RASAL2: variants seen among roughly 807,000 people sequenced by gnomAD.
RASAL2 encodes ras GTPase-activating protein nGAP.
RASAL2 carries 58 observed loss-of-function variants against 128.9 expected under a neutral mutation model. The ratio of observed to expected loss-of-function variants is 0.45; its 90% CI spans 0.36 to 0.56. RASAL2 has a LOEUF of 0.56. Ranked by LOEUF, RASAL2 falls within the 20% of genes least tolerant of loss-of-function variation. RASAL2 has a pLI of 0.00. For missense variants in RASAL2, 1,360 were observed against 1,601.6 expected (o/e 0.85, Z 2.57); for synonymous variants, 561 against 580.8 (o/e 0.97, Z 0.49).
At chr1:178,190,459 C>T (rs1662453554) in intron 1 of RASAL2, among the ~76,000 whole-genome samples, 1 of 152,070 alleles carries the variant, frequency 6.6e-6, no homozygotes, top group African/African-American at 2.4e-5. Context: ...TCATTAAGTT[C>T]TAATTTTTGT....
intron 1 of RASAL2, among the ~76,000 whole-genome samples, chr1:178,142,776 C>T (rs1161218223): frequency 6.6e-6 from 1 of 152,046 alleles, no homozygotes; most frequent in Non-Finnish European, 1.5e-5. Flanking sequence ...CGGGGAAGTC[C>T]GAATCTGGGA....
chr1:178,331,989 A>G (rs974453547), intron 3 of RASAL2, among the ~76,000 whole-genome samples: 7 of 152,200 alleles, frequency 4.6e-5, no homozygotes, highest in Non-Finnish European at 1.0e-4. Context: ...AGAGTGTACA[A>G]TATACTTTCA....
At chr1:178,390,593 G>A (rs2102606794) in intron 4 of RASAL2, among the ~76,000 whole-genome samples, 1 of 152,094 alleles carries the variant, frequency 6.6e-6, no homozygotes, top group East Asian at 1.9e-4. Context: ...TGGCCAGGCT[G>A]GTCTCAAACT....
At chr1:178,414,522 C>G (rs10913549) in intron 4 of RASAL2, among the ~76,000 whole-genome samples, 37,768 of 151,962 alleles carry the variant, frequency 0.25, 7,474 homozygotes, top group African/African-American at 0.55. Context: ...TTTGGTAGGG[C>G]ATGTTGGTGG....
At chr1:178,203,360 GTTACAA>G (rs1353845832) in intron 1 of RASAL2, among the ~76,000 whole-genome samples, 3 of 152,188 alleles carry the variant, frequency 2.0e-5, no homozygotes, top group Non-Finnish European at 2.9e-5. Context: ...GCCTTTTGAA[GTTACAA>G]TTACAATGCC....
intron 1 of RASAL2, among the ~76,000 whole-genome samples, chr1:178,129,214 AG>A (rs1354348984): frequency 6.6e-6 from 1 of 152,046 alleles, no homozygotes. Context: ...GTATTGTATA[AG>A]GGCTCTGATT....
intron 15 of RASAL2, 59 bp downstream of exon 15, chr1:178,464,471 G>T: frequency 1.9e-6 from 3 of 1,587,868 alleles, no homozygotes; most frequent in Non-Finnish European, 2.6e-6. Context: ...CACTAAAAAG[G>T]TTATCTAGCT....
At chr1:178,221,356 C>T (rs1227407016) in intron 1 of RASAL2, among the ~76,000 whole-genome samples, 1 of 152,056 alleles carries the variant, frequency 6.6e-6, no homozygotes, top group Non-Finnish European at 1.5e-5. Flanking sequence ...GTAGAAGCTT[C>T]AGTTATTGAT....
chr1:178,248,838 C>A lies in RASAL2; in HGVS notation c.203-34726C>A, dbSNP rs1055032594. 5.3e-5 allele frequency among the ~76,000 whole-genome samples: 8 copies of A among 152,222 alleles called. No individual in the cohort carries two copies. In the Middle Eastern group the frequency reaches 0.017, roughly 324 times the overall value. On this transcript the variant is annotated intron_variant, in intron 1 of 17. Coordinates refer to ENST00000367649, the MANE Select transcript of RASAL2 (RefSeq NM_170692.4). ...GATATGAAATTCTGGGTTGAAAATTCTTTTCTTTAAGAATGTTGACTATTG... is the reference window on the plus strand; with the variant it reads ...GATATGAAATTCTGGGTTGAAAATTATTTTCTTTAAGAATGTTGACTATTG...
chr1:178,184,238 C>G (rs1333369925), intron 1 of RASAL2, among the ~76,000 whole-genome samples: 1 of 151,984 alleles, frequency 6.6e-6, no homozygotes, highest in Admixed American at 6.6e-5. Context: ...ATATTTTCTT[C>G]CAGTTTATAT....
chr1:178,242,909 A>T (rs1313450688), intron 1 of RASAL2, among the ~76,000 whole-genome samples: 1 of 152,170 alleles, frequency 6.6e-6, no homozygotes, highest in African/African-American at 2.4e-5. Flanking sequence ...TTGTTTCCAG[A>T]TAATTTCTAA....
chr1:178,466,812 C>T (rs1042143391), intron 16 of RASAL2, among the ~76,000 whole-genome samples: 9 of 152,156 alleles, frequency 5.9e-5, no homozygotes, highest in African/African-American at 2.2e-4. Context: ...GTAAACAGAA[C>T]TGTTTGTTGT....
intron 1 of RASAL2, among the ~76,000 whole-genome samples, chr1:178,240,971 A>C (rs1664471643): frequency 6.6e-6 from 1 of 151,854 alleles, no homozygotes; most frequent in African/African-American, 2.4e-5. Flanking sequence ...TTAGAAACAT[A>C]AGCCCTCTGG....
At chr1:178,302,710 G>C (rs944871105) in intron 3 of RASAL2, among the ~76,000 whole-genome samples, 1 of 152,106 alleles carries the variant, frequency 6.6e-6, no homozygotes, top group Admixed American at 6.5e-5. Flanking sequence ...AAGAAAACAA[G>C]GTGAGAAGAC....
At chr1:178,169,765 G>A (rs1185089359) in intron 1 of RASAL2, among the ~76,000 whole-genome samples, 1 of 151,940 alleles carries the variant, frequency 6.6e-6, no homozygotes, top group South Asian at 2.1e-4. Context: ...TGAAGGCTGT[G>A]GTATTTAATT....
At chr1:178,128,809 C>T (rs773756816) in intron 1 of RASAL2, among the ~76,000 whole-genome samples, 4 of 152,030 alleles carry the variant, frequency 2.6e-5, no homozygotes, top group Admixed American at 1.3e-4. Context: ...TGACTGGGTT[C>T]TTTCACCATG....
intron 3 of RASAL2, among the ~76,000 whole-genome samples, chr1:178,321,376 G>A (rs917492239): frequency 3.9e-5 from 6 of 152,070 alleles, no homozygotes; most frequent in Non-Finnish European, 5.9e-5. Flanking sequence ...GTGAGCCACC[G>A]CGCCCCGCCT....
At chr1:178,395,771 G>GTATATATATATATATATATA (rs57664965) in intron 4 of RASAL2, among the ~76,000 whole-genome samples, 1 of 133,020 alleles carries the variant, frequency 7.5e-6, no homozygotes, top group Non-Finnish European at 1.5e-5. Context: ...TTAATGAACA[G>GTATATATATATATATATATA]TATATATATA....
intron 1 of RASAL2, among the ~76,000 whole-genome samples, chr1:178,185,590 C>T (rs1470785465): frequency 6.6e-6 from 1 of 151,346 alleles, no homozygotes; most frequent in Non-Finnish European, 1.5e-5. Flanking sequence ...GGGGTTAAAT[C>T]ATGAATGGGT....
Sources: gnomAD v4.1 joint callset for allele counts (sites outside exome capture counted in the v4.1 genomes callset) on GRCh38, gnomAD v4.1.1 for gene constraint, MANE v1.5 for transcripts, NCBI Gene and HGNC (gene_info 2026-07-23, HGNC 2026-07-21) for gene names.